Variants in NETO1 observed in about 807,000 individuals in gnomAD.
NETO1 encodes neuropilin and tolloid like 1.
A neutral mutation model predicts 61.3 loss-of-function variants in NETO1; 26 were observed. The observed-to-expected ratio is 0.42, with a 90% CI of 0.31 to 0.59. NETO1 has a LOEUF of 0.59. Among genes scored for constraint, NETO1 ranks in the 20% least tolerant of loss-of-function variants. NETO1 has a pLI of 0.12. For missense variants in NETO1, 531 were observed against 662.8 expected, an observed-to-expected ratio of 0.80 and a Z score of 2.18; for synonymous variants, 225 against 225.8, an observed-to-expected ratio of 1.00 and a Z score of 0.03.
intron 3 of NETO1, 80 bp from the exon 4 acceptor site, chr18:72,859,154 T>C: frequency 7.5e-7 from 1 of 1,327,256 alleles, no homozygotes; most frequent in Non-Finnish European, 1.0e-6. Context: ...TTTCAGATGT[T>C]ATTTGTACAT....
Position 72,867,250 on chromosome 18 carries a change from G to T in NETO1, c.28+14C>A. On this transcript the variant is annotated intron_variant, in intron 1 of 10. Transcript: ENST00000327305. ...GCTCCGGGAGCGCACGGGCGCGGCG[G>T]GGAGGGTACTCACTGTGAAGCACGC... The T allele has an allele frequency of 1.3e-6, 2 of 1,546,888 alleles. No individual in the cohort carries two copies. The highest frequency in any genetic ancestry group is 1.2e-5 in the South Asian group (1 of 81,630).
At chr18:72,867,004 C>G (rs1489571885) in intron 1 of NETO1, 9 of 448,274 alleles carry the variant, frequency 2.0e-5, no homozygotes, top group Non-Finnish European at 2.7e-5. Flanking sequence ...GCACGCTATC[C>G]TCCACCCCCG....
At chr18:72,857,525 A>T (rs2074443151) in intron 4 of NETO1, among the ~76,000 whole-genome samples, 1 of 152,212 alleles carries the variant, frequency 6.6e-6, no homozygotes, top group Admixed American at 6.5e-5. Flanking sequence ...CCAGAATGAA[A>T]ATATAACTTA....
At chr18:72,832,105 T>C (rs1339607630) in intron 4 of NETO1, among the ~76,000 whole-genome samples, 1 of 152,214 alleles carries the variant, frequency 6.6e-6, no homozygotes, top group Admixed American at 6.5e-5. Flanking sequence ...ACTCTAGTGC[T>C]TAGCACATTA....
intron 4 of NETO1, among the ~76,000 whole-genome samples, chr18:72,855,221 G>A (rs1295448380): frequency 1.3e-5 from 2 of 152,186 alleles, no homozygotes; most frequent in East Asian, 3.9e-4. Context: ...ACAGAAAGAA[G>A]AGAACTCTTC....
At position 72,792,408 on chromosome 18, in the gene NETO1, G is replaced by C. The variant is rs559247153; in HGVS notation, c.639+1709C>G. 2.0e-5 allele frequency among the ~76,000 whole-genome samples: 3 copies of C among 152,182 alleles called. No individual in the cohort carries two copies. The East Asian group carries it at 5.8e-4, about 30-fold the overall frequency. On this transcript the variant is annotated intron_variant, in intron 6 of 10. Coordinates refer to ENST00000327305, the MANE Select transcript of NETO1 (RefSeq NM_138966.5). ...CACTCCAGCCTGGGAGACAGAATGA[G>C]ACTCTGTCTCAAAAACAAACAAAAT...
At chr18:72,848,550 CAAAATAAGA>C (rs1307695780) in intron 4 of NETO1, among the ~76,000 whole-genome samples, 1 of 151,794 alleles carries the variant, frequency 6.6e-6, no homozygotes, top group African/African-American at 2.4e-5. Flanking sequence ...TATTCCTGCT[CAAAATAAGA>C]AAAAGTAGAA....
At chr18:72,866,773 G>C in intron 1 of NETO1, 1 of 992,786 alleles carries the variant, frequency 1.0e-6, no homozygotes, top group South Asian at 4.7e-5. Flanking sequence ...CGGTCTCCAG[G>C]GCGGAAAGGG....
At chr18:72,805,740 C>T (rs1467688455) in intron 4 of NETO1, among the ~76,000 whole-genome samples, 2 of 152,130 alleles carry the variant, frequency 1.3e-5, no homozygotes, top group East Asian at 3.9e-4. Context: ...ATCTGGTCTA[C>T]TGGGCCTGTC....
At position 72,747,747 on chromosome 18, in the gene NETO1, T is replaced by C. The variant is rs1477203307; in HGVS notation, c.*432A>G. ...AGGAACGCACTATTCTCAAGCTGTC[T>C]ATATAATGAAAACAATGTACATGTA... On this transcript the variant is annotated 3_prime_UTR_variant, in exon 11 of 11. Coordinates refer to ENST00000327305, the MANE Select transcript of NETO1 (RefSeq NM_138966.5). 1.3e-5 allele frequency: 2 copies of C among 152,100 alleles called. No homozygotes were observed. Among genetic ancestry groups the C allele is most frequent in the African/African-American group, 4.8e-5 (2 of 41,454 alleles). The allele number at this position is 152,100 out of a possible 1,614,324, so 9.4% of individuals were successfully genotyped here. A position where few individuals can be genotyped will look rare whatever the true frequency, so the allele number is the denominator to read the frequency against.
chr18:72,779,114 T>G (rs2071653647), intron 7 of NETO1, among the ~76,000 whole-genome samples: 1 of 152,190 alleles, frequency 6.6e-6, no homozygotes, highest in South Asian at 2.1e-4. Context: ...CCAGGTACTT[T>G]CTTATTACTT....
chr18:72,837,921 T>C (rs1409265041), intron 4 of NETO1, among the ~76,000 whole-genome samples: 1 of 150,528 alleles, frequency 6.6e-6, no homozygotes, highest in Non-Finnish European at 1.5e-5. Flanking sequence ...ATCTCTACAA[T>C]AGCTACACAA....
chr18:72,763,246 T>C (rs2071039624), intron 7 of NETO1, among the ~76,000 whole-genome samples: 1 of 152,218 alleles, frequency 6.6e-6, no homozygotes, highest in Admixed American at 6.5e-5. Flanking sequence ...CCATGATTTA[T>C]GGTTAATAAA....
intron 4 of NETO1, among the ~76,000 whole-genome samples, chr18:72,815,529 C>A (rs1302019415): frequency 1.3e-5 from 2 of 151,998 alleles, no homozygotes; most frequent in African/African-American, 2.4e-5. Flanking sequence ...GAAATTTGAG[C>A]CTCTAAAACG....
chr18:72,779,946 T>C (rs2071681929), intron 7 of NETO1, among the ~76,000 whole-genome samples: 2 of 152,156 alleles, frequency 1.3e-5, no homozygotes, highest in Admixed American at 1.3e-4. Context: ...TCTAGCTGTG[T>C]TCTCACCTGG....
chr18:72,745,619 A>C lies in NETO1; in HGVS notation c.*2560T>G, dbSNP rs1489456695. The C allele has an allele frequency of 1.3e-5, 2 of 152,178 alleles. No homozygotes were observed. The highest frequency in any genetic ancestry group is 2.9e-5 in the Non-Finnish European group (2 of 68,024). The allele number at this position is 152,178 out of a possible 1,614,324, so 9.4% of individuals were successfully genotyped here. ...TATCTATGTGTGTCACCACCTTTAG[A>C]ATGTGGGCCAAAGGCTGCATTCAGG... On this transcript the variant is annotated 3_prime_UTR_variant, in exon 11 of 11. Transcript: ENST00000327305.
Position 72,745,803 on chromosome 18 carries a change from GA to G in NETO1, c.*2375del. ...TGAGCATCTAGAGTGAATGCCAGGA[GA>G]AAAGGCTACCTCCAGACACTGCCCA... On this transcript the variant is annotated 3_prime_UTR_variant, in exon 11 of 11. Transcript: ENST00000327305. The G allele has an allele frequency of 6.6e-6, 1 of 152,324 alleles. No individual in the cohort carries two copies. 9.4% of individuals were successfully genotyped at this position (152,324 alleles called of 1,614,324 possible).
At chr18:72,803,548 A>G (rs1299261620) in intron 4 of NETO1, among the ~76,000 whole-genome samples, 1 of 152,164 alleles carries the variant, frequency 6.6e-6, no homozygotes, top group Non-Finnish European at 1.5e-5. Context: ...CCTGGCCAGG[A>G]GCGGTGGCTC....
chr18:72,767,253 C>T (rs1449441091), intron 7 of NETO1, among the ~76,000 whole-genome samples: 1 of 152,098 alleles, frequency 6.6e-6, no homozygotes, highest in African/African-American at 2.4e-5. Context: ...TTCCATATAA[C>T]AAACATATGC....
Sources: allele counts gnomAD v4.1 joint callset (sites outside exome capture counted in the v4.1 genomes callset), GRCh38; gene constraint gnomAD v4.1.1; transcripts MANE v1.5; gene names NCBI Gene and HGNC (gene_info 2026-07-23, HGNC 2026-07-21).